PRELID2: variants seen among roughly 807,000 people sequenced by gnomAD.
PRELID2 encodes PRELI domain-containing protein 2.
PRELID2 carries 25 observed loss-of-function variants against 28.4 expected under a neutral mutation model. That is an observed-to-expected ratio of 0.88 (90% CI 0.64 to 1.23). The LOEUF is 1.23. Among genes scored for constraint, PRELID2 ranks in the 50% most tolerant of loss-of-function variants. The pLI, the probability that PRELID2 is intolerant of heterozygous loss-of-function variation, is 0.00. For missense variants in PRELID2, 201 were observed against 214.4 expected (o/e 0.94, Z 0.39); for synonymous variants, 76 against 71.6 (o/e 1.06, Z -0.31).
the PRELID2 span, among the ~76,000 whole-genome samples, chr5:145,379,833 G>A: frequency 3.9e-5 from 6 of 152,122 alleles, no homozygotes; most frequent in Non-Finnish European, 8.8e-5. Context: ...AAGCTATGGT[G>A]TGGGCCCCGA....
the PRELID2 span, among the ~76,000 whole-genome samples, chr5:145,312,441 C>T: frequency 6.6e-6 from 1 of 152,146 alleles, no homozygotes; most frequent in South Asian, 2.1e-4. Flanking sequence ...CAGTCAATCT[C>T]CAGAACTTAT....
intron 1 of PRELID2, among the ~76,000 whole-genome samples, chr5:145,721,793 C>T (rs1207783154): frequency 6.6e-6 from 1 of 152,064 alleles, no homozygotes; most frequent in Non-Finnish European, 1.5e-5. Flanking sequence ...AATAAGAAGG[C>T]AGGGTTTGCA....
rs370712860 is a variant in PRELID2 at position 145,764,944 on chromosome 5, T to C, written c.531A>G (p.Glu177=). The change falls in exon 6 of 7, where the codon GAA becomes GAG. Residue 177 remains glutamate (E), a synonymous_variant. Coordinates refer to ENST00000683046, the MANE Select transcript of PRELID2 (RefSeq NM_205846.3). ...LKEQCGAPLA[E] is the part of the protein sequence containing the mutation. Reference sequence around the variant, plus strand: ...TTTGGTACTCACTGATGATTCTTTATTCAGCTAAGGGGGCACCACACTGTT... The same window carrying C: ...TTTGGTACTCACTGATGATTCTTTACTCAGCTAAGGGGGCACCACACTGTT... 5.6e-6 allele frequency: 9 copies of C among 1,611,956 alleles called. No homozygotes were observed. In the African/African-American group the frequency reaches 1.2e-4, roughly 22 times the overall value.
intron 1 of PRELID2, among the ~76,000 whole-genome samples, chr5:145,562,787 A>C (rs1316115547): frequency 6.6e-6 from 1 of 152,216 alleles, no homozygotes; most frequent in Non-Finnish European, 1.5e-5. Context: ...GACACAGAAA[A>C]AAAAAATGGA....
intron 4 of PRELID2, among the ~76,000 whole-genome samples, chr5:145,799,864 C>T (rs531365659): frequency 1.3e-4 from 20 of 152,312 alleles, no homozygotes; most frequent in South Asian, 6.2e-4. Flanking sequence ...CTGACTAAAA[C>T]GCTCCTTGCC....
At chr5:145,292,896 A>T in the PRELID2 span, among the ~76,000 whole-genome samples, 3 of 151,296 alleles carry the variant, frequency 2.0e-5, no homozygotes, top group African/African-American at 7.3e-5. Context: ...TTTTATTATT[A>T]TTTTTTTTGA....
At chr5:145,379,960 C>T in the PRELID2 span, among the ~76,000 whole-genome samples, 9 of 152,272 alleles carry the variant, frequency 5.9e-5, no homozygotes, top group Non-Finnish European at 8.8e-5. Context: ...GACTACCCTA[C>T]AGAGTTCAGG....
the PRELID2 span, among the ~76,000 whole-genome samples, chr5:145,230,709 G>C: frequency 6.6e-6 from 1 of 152,212 alleles, no homozygotes; most frequent in Admixed American, 6.5e-5. Context: ...CAGCATATCT[G>C]TGGGTCTGAA....
chr5:145,334,345 C>T, the PRELID2 span, among the ~76,000 whole-genome samples: 4 of 152,190 alleles, frequency 2.6e-5, no homozygotes. Flanking sequence ...AAAAACTCTA[C>T]ACTTTTAATT....
At position 145,583,018 on chromosome 5, in the gene PRELID2, T is replaced by A. The variant is rs547979281; in HGVS notation, n.71-109703A>T. 3.9e-5 allele frequency among the ~76,000 whole-genome samples: 6 copies of A among 152,234 alleles called. No individual in the cohort carries two copies. The South Asian group carries it at 6.2e-4, about 16-fold the overall frequency. ...GAAAACTTCACACCAATATCCCTAA[T>A]GAGCATCGACGCAAAAATTCTCAAT... is the stretch of plus-strand genomic sequence containing the variant. On this transcript the variant is annotated intron_variant and non_coding_transcript_variant, in intron 1 of 2. Coordinates refer to the PRELID2 transcript ENST00000510259.
At chr5:145,619,746 C>A (rs111851967) in intron 1 of PRELID2, among the ~76,000 whole-genome samples, 15 of 152,050 alleles carry the variant, frequency 9.9e-5, no homozygotes, top group African/African-American at 3.6e-4. Flanking sequence ...CCTCAACATC[C>A]GACAATTCAA....
intron 1 of PRELID2, among the ~76,000 whole-genome samples, chr5:145,576,865 A>G (rs561089819): frequency 1.2e-4 from 19 of 152,138 alleles, no homozygotes; most frequent in Non-Finnish European, 2.8e-4. Flanking sequence ...AGATATCCCA[A>G]TTAACTTGAT....
At chr5:145,833,726 A>C (rs1162281792) in intron 1 of PRELID2, among the ~76,000 whole-genome samples, 4 of 152,176 alleles carry the variant, frequency 2.6e-5, no homozygotes. Context: ...CTTATCGTTT[A>C]ACAAATGACC....
At chr5:145,777,200 A>C (rs1213796788) in intron 5 of PRELID2, among the ~76,000 whole-genome samples, 2 of 151,972 alleles carry the variant, frequency 1.3e-5, no homozygotes, top group Non-Finnish European at 2.9e-5. Context: ...AATGAGGGGG[A>C]ATTTCCTTTT....
chr5:145,722,881 T>C (rs761329442), intron 1 of PRELID2, among the ~76,000 whole-genome samples: 1 of 152,162 alleles, frequency 6.6e-6, no homozygotes, highest in Non-Finnish European at 1.5e-5. Context: ...CCAACTTTTA[T>C]AGAAAAAACA....
chr5:145,395,742 A>G, the PRELID2 span, among the ~76,000 whole-genome samples: 1 of 152,008 alleles, frequency 6.6e-6, no homozygotes, highest in Non-Finnish European at 1.5e-5. Flanking sequence ...CCACAAAAAA[A>G]ACAAAAAAGA....
At chr5:145,725,525 A>T (rs559382507) in intron 1 of PRELID2, among the ~76,000 whole-genome samples, 1 of 152,374 alleles carries the variant, frequency 6.6e-6, no homozygotes, top group South Asian at 2.1e-4. Flanking sequence ...GACCTTATTC[A>T]ATACTATTGC....
At chr5:145,515,195 C>CA (rs1444700227) in intron 1 of PRELID2, among the ~76,000 whole-genome samples, 1 of 151,970 alleles carries the variant, frequency 6.6e-6, no homozygotes, top group African/African-American at 2.4e-5. Context: ...AAAAGCCCTT[C>CA]AAAAAATTAA....
At chr5:145,710,380 G>C (rs1755660862) in intron 1 of PRELID2, among the ~76,000 whole-genome samples, 1 of 152,010 alleles carries the variant, frequency 6.6e-6, no homozygotes, top group South Asian at 2.1e-4. Flanking sequence ...ATTAACCTTG[G>C]GAAAACAATT....
Sources: gnomAD v4.1 joint callset for allele counts (sites outside exome capture counted in the v4.1 genomes callset) on GRCh38, gnomAD v4.1.1 for gene constraint, MANE v1.5 for transcripts, NCBI Gene and HGNC (gene_info 2026-07-23, HGNC 2026-07-21) for gene names.